Variants in ATP8A2 observed in about 807,000 individuals in gnomAD.
ATP8A2 encodes phospholipid-transporting ATPase IB.
ATP8A2 carries 100 observed loss-of-function variants against 165.6 expected under a neutral mutation model. That is an observed-to-expected ratio of 0.60 (90% confidence interval 0.51 to 0.71). ATP8A2 has a LOEUF of 0.71. Ranked by LOEUF, ATP8A2 falls within the 30% of genes least tolerant of loss-of-function variation. ATP8A2 has a pLI of 0.00. For synonymous variants in ATP8A2, 543 were observed against 548.8 expected (o/e 0.99, Z 0.15); for missense variants, 1,227 against 1,479.5 (o/e 0.83, Z 2.80).
At chr13:25,532,578 C>CT (rs2038149555) in intron 5 of ATP8A2, among the ~76,000 whole-genome samples, 2 of 152,202 alleles carry the variant, frequency 1.3e-5, no homozygotes, top group African/African-American at 4.8e-5. Flanking sequence ...CATAAAAAGT[C>CT]TAAGCATTCA....
At chr13:25,649,216 G>C (rs2041753216) in intron 24 of ATP8A2, among the ~76,000 whole-genome samples, 2 of 152,134 alleles carry the variant, frequency 1.3e-5, no homozygotes, top group East Asian at 1.9e-4. Context: ...AACAGCCTTG[G>C]GCAGGCAGAG....
chr13:25,986,390 C>T (rs1428682142), intron 35 of ATP8A2, among the ~76,000 whole-genome samples: 1 of 152,236 alleles, frequency 6.6e-6, no homozygotes, highest in Non-Finnish European at 1.5e-5. Flanking sequence ...CCCCGGGTAA[C>T]CACCCTTCTT....
At chr13:25,512,650 T>G (rs1259090633) in intron 2 of ATP8A2, among the ~76,000 whole-genome samples, 1 of 102,650 alleles carries the variant, frequency 9.7e-6, no homozygotes, top group Non-Finnish European at 2.0e-5. Flanking sequence ...ACCCCCCACC[T>G]CCCTCCCGGA....
chr13:25,849,976 A>T (rs1242198347), intron 30 of ATP8A2, among the ~76,000 whole-genome samples: 1 of 152,242 alleles, frequency 6.6e-6, no homozygotes, highest in Non-Finnish European at 1.5e-5. Flanking sequence ...TATCAAACCA[A>T]GCACATGGAG....
chr13:25,472,431 G>A (rs2035873374), intron 2 of ATP8A2, among the ~76,000 whole-genome samples: 1 of 151,200 alleles, frequency 6.6e-6, no homozygotes, highest in Non-Finnish European at 1.5e-5. Context: ...AAGCTTCTTA[G>A]CATTATGGTT....
intron 24 of ATP8A2, among the ~76,000 whole-genome samples, chr13:25,653,172 A>G (rs2041852692): frequency 6.6e-6 from 1 of 152,206 alleles, no homozygotes; most frequent in Non-Finnish European, 1.5e-5. Flanking sequence ...AATCTTTTGC[A>G]TATGGCTAGC....
intron 1 of ATP8A2, among the ~76,000 whole-genome samples, chr13:25,436,452 T>C (rs971891125): frequency 2.0e-5 from 3 of 152,230 alleles, no homozygotes; most frequent in Non-Finnish European, 4.4e-5. Flanking sequence ...CATTCTTTTT[T>C]ATGGCTATGT....
chr13:25,549,749 G>C (rs961347449), intron 10 of ATP8A2, among the ~76,000 whole-genome samples: 2 of 152,028 alleles, frequency 1.3e-5, no homozygotes, highest in African/African-American at 4.8e-5. Flanking sequence ...TTCTATAGGT[G>C]AGAAGTCTAC....
At chr13:25,843,012 T>C (rs1951780609) in intron 30 of ATP8A2, among the ~76,000 whole-genome samples, 1 of 151,378 alleles carries the variant, frequency 6.6e-6, no homozygotes, top group South Asian at 2.1e-4. Context: ...TGAAAGGAGC[T>C]TCTTTGTTTG....
At chr13:25,413,934 A>G (rs1179079349) in intron 1 of ATP8A2, among the ~76,000 whole-genome samples, 1 of 151,654 alleles carries the variant, frequency 6.6e-6, no homozygotes, top group Non-Finnish European at 1.5e-5. Context: ...AAAATCTTCA[A>G]TAGTTGGTGG....
intron 1 of ATP8A2, among the ~76,000 whole-genome samples, chr13:25,392,867 G>C (rs1426606762): frequency 6.6e-6 from 1 of 151,474 alleles, no homozygotes; most frequent in Non-Finnish European, 1.5e-5. Context: ...CTTCAGGCCA[G>C]GAGTTTGAGA....
At chr13:25,845,484 G>A (rs1016955126) in intron 30 of ATP8A2, among the ~76,000 whole-genome samples, 5 of 152,146 alleles carry the variant, frequency 3.3e-5, no homozygotes, top group African/African-American at 7.2e-5. Flanking sequence ...AGTCCACACC[G>A]TAGAAACTGC....
intron 24 of ATP8A2, among the ~76,000 whole-genome samples, chr13:25,648,856 C>G (rs185407207): frequency 6.6e-6 from 1 of 152,046 alleles, no homozygotes; most frequent in African/African-American, 2.4e-5. Context: ...TTGTTTCTTT[C>G]TGAATATTCT....
intron 18 of ATP8A2, among the ~76,000 whole-genome samples, chr13:25,573,915 G>A (rs749645624): frequency 1.4e-4 from 22 of 152,254 alleles, no homozygotes; most frequent in African/African-American, 1.9e-4. Flanking sequence ...TAATGATTCC[G>A]TCATATACTT....
intron 10 of ATP8A2, among the ~76,000 whole-genome samples, chr13:25,545,401 A>G (rs1448756217): frequency 1.3e-5 from 2 of 152,050 alleles, no homozygotes; most frequent in Non-Finnish European, 2.9e-5. Flanking sequence ...ATCTTGATGA[A>G]TAGTTTAGTG....
intron 10 of ATP8A2, among the ~76,000 whole-genome samples, chr13:25,550,608 C>T (rs35877635): frequency 0.069 from 10,548 of 152,154 alleles, 483 homozygotes; most frequent in African/African-American, 0.12. Flanking sequence ...TTCCCCCCAG[C>T]AGTGAGAAGG....
chr13:25,789,882 A>G (rs536166881), intron 27 of ATP8A2, among the ~76,000 whole-genome samples: 4 of 152,346 alleles, frequency 2.6e-5, no homozygotes, highest in Non-Finnish European at 5.9e-5. Flanking sequence ...AAAAACAGGC[A>G]CAAAGACCAA....
chr13:25,722,975 C>G (rs996686754), intron 25 of ATP8A2, among the ~76,000 whole-genome samples: 1 of 152,296 alleles, frequency 6.6e-6, no homozygotes, highest in African/African-American at 2.4e-5. Flanking sequence ...TTCAAGGTTA[C>G]TTGAGTTTAC....
chr13:26,008,163 A>G (rs1365163884), intron 35 of ATP8A2, among the ~76,000 whole-genome samples: 1 of 152,212 alleles, frequency 6.6e-6, no homozygotes, highest in East Asian at 1.9e-4. Flanking sequence ...GAAATGAACC[A>G]CAATGAAGTA....
Sources: allele counts gnomAD v4.1 joint callset (sites outside exome capture counted in the v4.1 genomes callset), GRCh38; gene constraint gnomAD v4.1.1; transcripts MANE v1.5; gene names NCBI Gene and HGNC (gene_info 2026-07-23, HGNC 2026-07-21).